Variants in SCHIP1 observed in about 807,000 individuals in gnomAD.
SCHIP1 encodes schwannomin-interacting protein 1.
A neutral mutation model predicts 29.7 loss-of-function variants in SCHIP1; 8 were observed. The observed-to-expected ratio is 0.27, with a 90% CI of 0.16 to 0.49. SCHIP1 has a LOEUF of 0.49. Ranked by LOEUF, SCHIP1 falls within the 20% of genes least tolerant of loss-of-function variation. The probability of loss-of-function intolerance (pLI) is 0.99; values close to 1 mark genes in which losing one functional copy is unlikely to be tolerated. For missense variants in SCHIP1, 193 were observed against 294.6 expected, an observed-to-expected ratio of 0.66 and a Z score of 2.52; for synonymous variants, 76 against 94.9, an observed-to-expected ratio of 0.80 and a Z score of 1.16.
the SCHIP1 span, among the ~76,000 whole-genome samples, chr3:159,598,711 G>A: frequency 1.8e-3 from 273 of 152,262 alleles, 1 homozygote; most frequent in African/African-American, 6.3e-3. Flanking sequence ...TAAAAGTTCA[G>A]CTGAATTAAA....
chr3:159,687,562 G>A, the SCHIP1 span, among the ~76,000 whole-genome samples: 1 of 152,134 alleles, frequency 6.6e-6, no homozygotes, highest in African/African-American at 2.4e-5. Flanking sequence ...GAACTTTGCT[G>A]TCAGAGTTGA....
the SCHIP1 span, among the ~76,000 whole-genome samples, chr3:159,604,813 GT>G: frequency 1.3e-5 from 2 of 152,112 alleles, no homozygotes; most frequent in South Asian, 2.1e-4. Context: ...GGTAATCAGA[GT>G]TTTTACATTT....
chr3:159,493,329 C>A, the SCHIP1 span, among the ~76,000 whole-genome samples: 1 of 152,110 alleles, frequency 6.6e-6, no homozygotes, highest in African/African-American at 2.4e-5. Context: ...GAGTCAAGAC[C>A]CATCAGTGTG....
the SCHIP1 span, chr3:159,765,067 C>G: frequency 6.4e-7 from 1 of 1,565,390 alleles, no homozygotes. Context: ...GCTGGAGAAG[C>G]ATCTGGCCGG....
At chr3:159,659,771 TA>T in the SCHIP1 span, among the ~76,000 whole-genome samples, 1 of 152,210 alleles carries the variant, frequency 6.6e-6, no homozygotes, top group Non-Finnish European at 1.5e-5. Context: ...AGTCATGACA[TA>T]TTAATGATTT....
At chr3:159,785,239 G>T in the SCHIP1 span, among the ~76,000 whole-genome samples, 5 of 152,250 alleles carry the variant, frequency 3.3e-5, no homozygotes, top group East Asian at 9.6e-4. Context: ...CCAAAATTCT[G>T]TAATACTGTT....
At chr3:159,787,544 C>T in the SCHIP1 span, among the ~76,000 whole-genome samples, 2 of 152,156 alleles carry the variant, frequency 1.3e-5, no homozygotes, top group African/African-American at 2.4e-5. Flanking sequence ...TGTTTGAAAC[C>T]TCCAGGATAG....
At chr3:159,765,167 G>C in the SCHIP1 span, 1 of 1,535,982 alleles carries the variant, frequency 6.5e-7, no homozygotes, top group African/African-American at 1.4e-5. Flanking sequence ...GTGCCCACGC[G>C]CGCACACACG....
chr3:159,359,583 A>G, the SCHIP1 span, among the ~76,000 whole-genome samples: 1 of 152,230 alleles, frequency 6.6e-6, no homozygotes, highest in African/African-American at 2.4e-5. Context: ...TTAATTTTAT[A>G]ACTTTAAAAT....
chr3:159,554,122 G>C, the SCHIP1 span, among the ~76,000 whole-genome samples: 1 of 151,286 alleles, frequency 6.6e-6, no homozygotes, highest in Non-Finnish European at 1.5e-5. Context: ...CGCCCGCCTT[G>C]GCTTCCCAAA....
the SCHIP1 span, among the ~76,000 whole-genome samples, chr3:159,378,740 A>T: frequency 2.6e-5 from 4 of 152,196 alleles, no homozygotes. Context: ...ATCACCTGTT[A>T]TTATCACGCA....
the SCHIP1 span, among the ~76,000 whole-genome samples, chr3:159,276,200 C>T: frequency 1.3e-5 from 2 of 152,214 alleles, no homozygotes; most frequent in African/African-American, 4.8e-5. Flanking sequence ...GTCTCCATCA[C>T]ATATTCCTGT....
At chr3:159,382,399 T>C in the SCHIP1 span, among the ~76,000 whole-genome samples, 10 of 151,338 alleles carry the variant, frequency 6.6e-5, no homozygotes, top group Admixed American at 2.6e-4. Context: ...AGAATGATGA[T>C]TTCCAATTTC....
chr3:159,448,019 G>C, the SCHIP1 span, among the ~76,000 whole-genome samples: 3,064 of 152,236 alleles, frequency 0.02, 112 homozygotes, highest in African/African-American at 0.07. Flanking sequence ...TTAGGAAGTT[G>C]AGAAAACAAT....
the SCHIP1 span, chr3:159,764,726 G>T: frequency 1.9e-6 from 3 of 1,573,594 alleles, no homozygotes; most frequent in Non-Finnish European, 8.6e-7. This position sits in a 1 kb window ranked among gnomAD's most constrained non-coding sequence, Gnocchi z 6.1. Context: ...CGGGATGACC[G>T]CTCTCCGGCC....
the SCHIP1 span, among the ~76,000 whole-genome samples, chr3:159,424,002 G>C: frequency 6.7e-6 from 1 of 149,836 alleles, no homozygotes; most frequent in Admixed American, 6.7e-5. Context: ...TGAGGGTCCT[G>C]TCTGTTAGAA....
chr3:159,578,322 T>G, the SCHIP1 span, among the ~76,000 whole-genome samples: 1 of 152,188 alleles, frequency 6.6e-6, no homozygotes, highest in Non-Finnish European at 1.5e-5. Context: ...AAGATTTACT[T>G]AAGAAAAATA....
At chr3:159,643,745 C>T in the SCHIP1 span, among the ~76,000 whole-genome samples, 2 of 152,048 alleles carry the variant, frequency 1.3e-5, no homozygotes, top group African/African-American at 4.8e-5. Flanking sequence ...TCATTTTTTC[C>T]TATGATCCAC....
the SCHIP1 span, among the ~76,000 whole-genome samples, chr3:159,601,239 G>A: frequency 2.3e-4 from 35 of 152,186 alleles, no homozygotes; most frequent in African/African-American, 7.7e-4. Context: ...CAGTAGCAGT[G>A]GTGGGACTAC....
Sources: gnomAD v4.1 joint callset for allele counts (sites outside exome capture counted in the v4.1 genomes callset) on GRCh38, gnomAD v4.1.1 for gene constraint, Gnocchi (gnomAD v3.1) non-coding constraint, MANE v1.5 for transcripts, NCBI Gene and HGNC (gene_info 2026-07-23, HGNC 2026-07-21) for gene names.